The following PARVB variants were observed in gnomAD, a reference collection of about 807,000 sequenced individuals.
PARVB encodes the protein beta-parvin.
In PARVB, 46 loss-of-function variants were observed where a neutral mutation model predicts 47.0. The ratio of observed to expected loss-of-function variants is 0.98; its 90% CI spans 0.77 to 1.25. PARVB has a LOEUF of 1.25. Ranked by LOEUF, PARVB falls within the 50% of genes most tolerant of loss-of-function variation. The pLI is 0.00. For missense variants in PARVB, 473 were observed against 471.6 expected (o/e 1.00, Z -0.03); for synonymous variants, 196 against 196.3 (o/e 1.00, Z 0.01).
At chr22:44,066,587 T>G (rs928673442) in intron 1 of PARVB, among the ~76,000 whole-genome samples, 7 of 152,168 alleles carry the variant, frequency 4.6e-5, no homozygotes, top group Non-Finnish European at 1.0e-4. Context: ...TGGCACACAG[T>G]AGGTGCACGG....
chr22:44,106,894 C>T (rs1469090322), intron 3 of PARVB: 1 of 152,052 alleles, frequency 6.6e-6, no homozygotes, highest in African/African-American at 2.4e-5. Flanking sequence ...ATTGATTATA[C>T]TCATGTATTA....
At chr22:44,159,099 G>A (rs181830630) in intron 11 of PARVB, among the ~76,000 whole-genome samples, 233 of 152,294 alleles carry the variant, frequency 1.5e-3, no homozygotes, top group African/African-American at 5.1e-3. Context: ...AAGAGGGAGT[G>A]CAGAGGGAAT....
At chr22:44,143,805 G>A (rs8138077) in intron 8 of PARVB, 2,978 of 152,562 alleles carry the variant, frequency 0.02, 49 homozygotes, top group South Asian at 0.044. Context: ...CTCCGCGGGC[G>A]GCCCTTCCCC....
chr22:44,168,586 C>G lies in PARVB; in HGVS notation c.1019-16C>G, dbSNP rs540863489. 6.3e-7 allele frequency: 1 copy of G among 1,595,102 alleles called. No homozygotes were observed. Among genetic ancestry groups the G allele is most frequent in the East Asian group, 2.2e-5 (1 of 44,796 alleles). On this transcript the variant is annotated splice_polypyrimidine_tract_variant and intron_variant, in intron 12 of 12. Coordinates refer to ENST00000338758, the MANE Select transcript of PARVB (RefSeq NM_013327.5). Reference sequence around the variant, plus strand: ...AGGATGGCACGCCTCTGAAGTTTCTCTGTTTCCTTCTGCAGACGTGGTTAA... The same window carrying G: ...AGGATGGCACGCCTCTGAAGTTTCTGTGTTTCCTTCTGCAGACGTGGTTAA...
Position 44,051,207 on chromosome 22 carries a change from G to A in PARVB, c.112+26756G>A, listed in dbSNP as rs536628480. Among the ~76,000 whole-genome samples the A allele has an allele frequency of 2.6e-5, 4 of 152,342 alleles. No individual in the cohort carries two copies. In the South Asian group the frequency reaches 8.3e-4, roughly 32 times the overall value. ...GGTCTCATTTGACAGGTGCCATGCCGTCAAAGACTTGTGCTCTGCAGCTGC... is the reference window on the plus strand; with the variant it reads ...GGTCTCATTTGACAGGTGCCATGCCATCAAAGACTTGTGCTCTGCAGCTGC... On this transcript the variant is annotated intron_variant, in intron 1 of 12. Coordinates refer to ENST00000338758, the MANE Select transcript of PARVB (RefSeq NM_013327.5).
chr22:44,132,564 G>T (rs753427746), intron 5 of PARVB, among the ~76,000 whole-genome samples: 1 of 152,144 alleles, frequency 6.6e-6, no homozygotes, highest in African/African-American at 2.4e-5. Context: ...GTAAGTGGCC[G>T]TGACCTGCTT....
chr22:44,122,605 AGAGAGG>A (rs2053095155), intron 4 of PARVB, among the ~76,000 whole-genome samples: 2 of 132,766 alleles, frequency 1.5e-5, no homozygotes, highest in Admixed American at 7.5e-5. Context: ...AGAGAGAGAG[AGAGAGG>A]TCTCACTGCT....
At chr22:44,072,159 T>C (rs2051669513) in intron 1 of PARVB, among the ~76,000 whole-genome samples, 1 of 152,254 alleles carries the variant, frequency 6.6e-6, no homozygotes. Context: ...TGGCAAGTCC[T>C]TGCTGTGTGA....
intron 1 of PARVB, among the ~76,000 whole-genome samples, chr22:44,079,662 A>C (rs2051855431): frequency 6.6e-6 from 1 of 152,188 alleles, no homozygotes; most frequent in Non-Finnish European, 1.5e-5. Flanking sequence ...GTTTTTGCAC[A>C]TTGAAAACAA....
intron 1 of PARVB, among the ~76,000 whole-genome samples, chr22:44,069,345 G>C (rs142453128): frequency 0.018 from 2,804 of 152,294 alleles, 54 homozygotes; most frequent in African/African-American, 0.052. Flanking sequence ...GGTCCAGGTT[G>C]TCTCACTGCG....
chr22:44,006,145 A>G (rs923260636), intron 2 of PARVB, among the ~76,000 whole-genome samples: 4 of 152,122 alleles, frequency 2.6e-5, no homozygotes, highest in African/African-American at 7.2e-5. Flanking sequence ...GGGTCTTGCT[A>G]TGTTTCCCAG....
intron 1 of PARVB, among the ~76,000 whole-genome samples, chr22:44,083,013 G>A (rs2051941977): frequency 6.6e-6 from 1 of 152,096 alleles, no homozygotes; most frequent in African/African-American, 2.4e-5. Flanking sequence ...GAGGCTGGGG[G>A]GATGTTGGCT....
chr22:44,033,379 G>C (rs1021220976), intron 1 of PARVB, among the ~76,000 whole-genome samples: 1 of 152,118 alleles, frequency 6.6e-6, no homozygotes, highest in Non-Finnish European at 1.5e-5. Flanking sequence ...CTGAGTAACT[G>C]TTTAGCGTGT....
At chr22:44,131,331 G>A (rs6006671) in intron 4 of PARVB, among the ~76,000 whole-genome samples, 156 bp from the exon 5 acceptor site, 4 of 151,468 alleles carry the variant, frequency 2.6e-5, no homozygotes, top group African/African-American at 9.7e-5. Flanking sequence ...TAGTAGAGAC[G>A]GGATTTCACC....
intron 3 of PARVB, chr22:44,105,413 G>T (rs2052545667): frequency 6.6e-6 from 1 of 152,264 alleles, no homozygotes; most frequent in Admixed American, 6.5e-5. Context: ...AAAGGCCCAT[G>T]CCTGGAGCTG....
rs150313263 is a variant in PARVB at position 44,125,039 on chromosome 22, C to T, written c.376+5899C>T. Among the ~76,000 whole-genome samples, 27 of 151,010 alleles carry T rather than the reference C, an allele frequency of 1.8e-4. No individual in the cohort carries two copies. The East Asian group carries it at 4.1e-3, about 23-fold the overall frequency. Reference sequence around the variant, plus strand: ...AGACCAGCTCTTGGAGGGAAACCTCCTAGGCTTGTGACAGGTGGTGGTGAG... The same window carrying T: ...AGACCAGCTCTTGGAGGGAAACCTCTTAGGCTTGTGACAGGTGGTGGTGAG... On this transcript the variant is annotated intron_variant, in intron 4 of 12. Coordinates refer to ENST00000338758, the MANE Select transcript of PARVB (RefSeq NM_013327.5). This position sits in a 1 kb window ranked among gnomAD's most constrained non-coding sequence, Gnocchi z 4.1.
chr22:44,054,890 T>C (rs998381226), intron 1 of PARVB, among the ~76,000 whole-genome samples: 4 of 146,818 alleles, frequency 2.7e-5, no homozygotes, highest in African/African-American at 1.0e-4. Context: ...CTCGGGAGGC[T>C]GAGGCAGGAG....
In PARVB at chr22:44,049,971, T is replaced by C. The variant is rs961946181; in HGVS notation, c.112+25520T>C. Among the ~76,000 whole-genome samples the C allele has an allele frequency of 2.0e-5, 3 of 152,226 alleles. No individual in the cohort carries two copies. Among genetic ancestry groups the C allele is most frequent in the Non-Finnish European group, 4.4e-5 (3 of 68,042 alleles). ...CTGTTTTACCTACACTTCCATATTG[T>C]GGGCATGTGGCTGCGGAAATGTGCC... On this transcript the variant is annotated intron_variant, in intron 1 of 12. Transcript: ENST00000338758. This position sits in a 1 kb window ranked among gnomAD's most constrained non-coding sequence, Gnocchi z 4.0.
Position 44,024,443 on chromosome 22 carries a change from CG to C in PARVB, c.105del (p.Arg36AlafsTer3). The C allele has an allele frequency of 8.4e-7, 1 of 1,186,962 alleles. No individual in the cohort carries two copies. Among genetic ancestry groups the C allele is most frequent in the Non-Finnish European group, 1.0e-6 (1 of 953,542 alleles). 73.5% of individuals were successfully genotyped at this position (1,186,962 alleles called of 1,614,324 possible). ...LGGTLARKRR[A>X]REVSDLQEEG... is the part of the protein sequence containing the mutation. ...GGCACCCTGGCCAGGAAGCGGAGGGCGCGCGAGGGTGAGTGCGCGCCCGCGC... is the reference window on the plus strand; with the variant it reads ...GGCACCCTGGCCAGGAAGCGGAGGGCCGCGAGGGTGAGTGCGCGCCCGCGC... On this transcript the variant is annotated frameshift_variant, in exon 1 of 13. Transcript: ENST00000338758. LOFTEE classifies it high-confidence loss of function.
Sources: allele counts gnomAD v4.1 joint callset (sites outside exome capture counted in the v4.1 genomes callset), GRCh38; gene constraint gnomAD v4.1.1; non-coding constraint Gnocchi (gnomAD v3.1); transcripts MANE v1.5; gene names NCBI Gene and HGNC (gene_info 2026-07-23, HGNC 2026-07-21).